The following PIWIL2 variants were observed in gnomAD, a reference collection of about 807,000 sequenced individuals.
PIWIL2 encodes piwi like RNA-mediated gene silencing 2, also known as piwi-like protein 2.
PIWIL2 carries 81 observed loss-of-function variants against 116.5 expected under a neutral mutation model. That is an observed-to-expected ratio of 0.70 (90% CI 0.58 to 0.84). The LOEUF (loss-of-function observed/expected upper bound fraction) is 0.84. PIWIL2 is among the 40% of genes least tolerant of loss of function. The pLI, the probability that PIWIL2 is intolerant of heterozygous loss-of-function variation, is 0.00. For missense variants in PIWIL2, 1,272 were observed against 1,212.3 expected, an observed-to-expected ratio of 1.05 and a Z score of -0.73; for synonymous variants, 489 against 429.5, an observed-to-expected ratio of 1.14 and a Z score of -1.71.
In PIWIL2 at chr8:22,291,155, C is replaced by CT. The variant is rs960886438; in HGVS notation, c.1181+820dup. On this transcript the variant is annotated intron_variant, in intron 10 of 22. Transcript: ENST00000356766. ...GGCTAATTTTTTTTTCTTTTCTTTT[C>CT]TTTTTTTTTTTCTGAGAGAGAGTCT... 1.2e-3 allele frequency among the ~76,000 whole-genome samples: 177 copies of CT among 144,136 alleles called. 1 individual carries two copies. Among genetic ancestry groups the CT allele is most frequent in the Non-Finnish European group, 1.6e-3 (105 of 65,292 alleles). 94.6% of individuals were successfully genotyped at this position (144,136 alleles called of 152,430 possible).
intron 19 of PIWIL2, among the ~76,000 whole-genome samples, chr8:22,317,573 A>G (rs6986916): frequency 0.048 from 7,313 of 152,174 alleles, 367 homozygotes; most frequent in African/African-American, 0.12. Flanking sequence ...CTCTTGGTGG[A>G]TATCTTAAGT....
Position 22,355,792 on chromosome 8 carries a change from G to C in PIWIL2, c.*287G>C, listed in dbSNP as rs1832477423. 2.7e-6 allele frequency: 1 copy of C among 374,036 alleles called. No homozygotes were observed. Among genetic ancestry groups the C allele is most frequent in the African/African-American group, 2.0e-5 (1 of 49,096 alleles). 23.2% of individuals were successfully genotyped at this position (374,036 alleles called of 1,614,324 possible). A position where few individuals can be genotyped will look rare whatever the true frequency, so the allele number is the denominator to read the frequency against. ...CTCTGGGGGACCATTAAGACCTCCAGACCGGGTGCGGTGGTTCACACCTGT... is the reference window on the plus strand; with the variant it reads ...CTCTGGGGGACCATTAAGACCTCCACACCGGGTGCGGTGGTTCACACCTGT... On this transcript the variant is annotated 3_prime_UTR_variant, in exon 23 of 23. Coordinates refer to ENST00000356766, the MANE Select transcript of PIWIL2 (RefSeq NM_018068.5).
chr8:22,327,050 C>T (rs1351018311), intron 20 of PIWIL2, among the ~76,000 whole-genome samples: 1 of 102,068 alleles, frequency 9.8e-6, no homozygotes, highest in African/African-American at 4.0e-5. Flanking sequence ...TTTTTTGAGA[C>T]AGAGTCTTGC....
chr8:22,290,400 C>T, intron 10 of PIWIL2, 54 bp downstream of exon 10: 1 of 981,930 alleles, frequency 1.0e-6, no homozygotes, highest in South Asian at 1.4e-5. Context: ...CTGAAAAGTT[C>T]AGTAACAGCT....
At chr8:22,311,338 T>C in intron 16 of PIWIL2, 38 bp downstream of exon 16, 2 of 1,494,850 alleles carry the variant, frequency 1.3e-6, no homozygotes, top group South Asian at 1.2e-5. Context: ...AGGATGTCCA[T>C]TTTAAATTAC....
At chr8:22,322,270 T>C (rs1005097969) in intron 20 of PIWIL2, among the ~76,000 whole-genome samples, 1 of 152,040 alleles carries the variant, frequency 6.6e-6, no homozygotes, top group African/African-American at 2.4e-5. Context: ...CCTTTTTTTT[T>C]GAGACAGGGT....
intron 1 of PIWIL2, among the ~76,000 whole-genome samples, chr8:22,278,025 G>A (rs890253141): frequency 7.9e-5 from 12 of 151,984 alleles, no homozygotes; most frequent in African/African-American, 1.9e-4. Context: ...AAAATTAGCC[G>A]AGCATGGTGC....
intron 10 of PIWIL2, among the ~76,000 whole-genome samples, chr8:22,302,549 G>A (rs1239875864): frequency 1.3e-5 from 2 of 151,950 alleles, no homozygotes; most frequent in African/African-American, 2.4e-5. Flanking sequence ...TTTCTGTGGC[G>A]TGCGGCTGCT....
intron 1 of PIWIL2, among the ~76,000 whole-genome samples, chr8:22,278,705 G>A (rs905493396): frequency 2.0e-5 from 3 of 152,212 alleles, no homozygotes; most frequent in Admixed American, 6.5e-5. Flanking sequence ...GGAGGTGAGA[G>A]ATTGGCAAAT....
chr8:22,349,419 G>GTATATATATATATA (rs71206515), intron 20 of PIWIL2, among the ~76,000 whole-genome samples: 12 of 134,444 alleles, frequency 8.9e-5, no homozygotes, highest in Non-Finnish European at 1.9e-4. Flanking sequence ...ATGTGTGTGT[G>GTATATATATATATA]TATATATATA....
intron 20 of PIWIL2, among the ~76,000 whole-genome samples, chr8:22,352,085 G>A (rs529856319): frequency 6.6e-6 from 1 of 152,190 alleles, no homozygotes; most frequent in South Asian, 2.1e-4. Context: ...GCTGGGATTA[G>A]AGGCATGTGC....
chr8:22,318,976 G>A (rs1831532213), intron 20 of PIWIL2, among the ~76,000 whole-genome samples: 1 of 152,122 alleles, frequency 6.6e-6, no homozygotes, highest in Non-Finnish European at 1.5e-5. Flanking sequence ...CAAGACAAAT[G>A]CCTCCTTATA....
chr8:22,283,279 C>A (rs377731017), intron 5 of PIWIL2, 39 bp downstream of exon 5: 2 of 1,494,050 alleles, frequency 1.3e-6, no homozygotes, highest in Non-Finnish European at 1.9e-6. Context: ...TAGTAATGAT[C>A]GTGAAAACTC....
intron 10 of PIWIL2, among the ~76,000 whole-genome samples, chr8:22,303,581 A>G (rs2132029007): frequency 6.6e-6 from 1 of 152,078 alleles, no homozygotes; most frequent in East Asian, 1.9e-4. Flanking sequence ...TTTTTTAGAG[A>G]TGGGGTCTCG....
At chr8:22,337,226 A>G (rs1416230897) in intron 20 of PIWIL2, among the ~76,000 whole-genome samples, 2 of 152,136 alleles carry the variant, frequency 1.3e-5, no homozygotes, top group Non-Finnish European at 2.9e-5. Flanking sequence ...AAGTAGAACA[A>G]TGAAAAGAAC....
intron 10 of PIWIL2, among the ~76,000 whole-genome samples, chr8:22,293,435 G>T (rs1465951576): frequency 6.6e-6 from 1 of 152,170 alleles, no homozygotes; most frequent in African/African-American, 2.4e-5. Context: ...CACCTTCCGG[G>T]TTCAAGTGAT....
At chr8:22,284,372 G>C (rs930186798) in intron 6 of PIWIL2, 100 bp downstream of exon 6, 1 of 595,010 alleles carries the variant, frequency 1.7e-6, no homozygotes, top group Non-Finnish European at 2.9e-6. Flanking sequence ...GTTCCTGGTG[G>C]ACGTCTCAAT....
At chr8:22,317,331 T>C (rs1219563001) in intron 19 of PIWIL2, among the ~76,000 whole-genome samples, 1 of 152,220 alleles carries the variant, frequency 6.6e-6, no homozygotes, top group Non-Finnish European at 1.5e-5. Flanking sequence ...TTGATGTATA[T>C]ATACTTTCAG....
intron 14 of PIWIL2, 75 bp downstream of exon 14, chr8:22,308,148 T>A: frequency 7.9e-7 from 1 of 1,273,372 alleles, no homozygotes; most frequent in Non-Finnish European, 1.1e-6. Flanking sequence ...TTTCCTTTTG[T>A]TGTCAGTATA....
Sources: allele counts gnomAD v4.1 joint callset (sites outside exome capture counted in the v4.1 genomes callset), GRCh38; gene constraint gnomAD v4.1.1; transcripts MANE v1.5; gene names NCBI Gene and HGNC (gene_info 2026-07-23, HGNC 2026-07-21).